CEP131: variants seen among roughly 807,000 people sequenced by gnomAD.
CEP131 encodes the protein centrosomal protein of 131 kDa.
A neutral mutation model predicts 136.8 loss-of-function variants in CEP131; 99 were observed. The observed-to-expected ratio is 0.72, with a 90% confidence interval of 0.62 to 0.86. The LOEUF is 0.86. CEP131 is among the 40% of genes least tolerant of loss of function. The probability of loss-of-function intolerance (pLI) is 0.00; values close to 1 mark genes in which losing one functional copy is unlikely to be tolerated. For synonymous variants in CEP131, 646 were observed against 612.7 expected (o/e 1.05, Z -0.80); for missense variants, 1,459 against 1,463.0 (o/e 1.00, Z 0.04).
chr17:81,194,248 G>T, intron 17 of CEP131, 121 bp from the exon 18 acceptor site: 1 of 909,186 alleles, frequency 1.1e-6, no homozygotes, highest in Non-Finnish European at 1.6e-6. Flanking sequence ...GGGCCTCCTT[G>T]GATCCAACCC....
Position 81,219,883 on chromosome 17 carries a change from C to A in CEP131, c.174G>T (p.Val58=). 1 of 1,603,880 alleles carries A rather than the reference C, an allele frequency of 6.2e-7. No individual in the cohort carries two copies. Among genetic ancestry groups the A allele is most frequent in the Non-Finnish European group, 8.5e-7 (1 of 1,175,002 alleles). ...VVTGSEQKRK[V]LEATGPGGSQ... ...ACTCCTAGGCCACAGTACTCACCAGCACCTTCCTCTTCTGCTCGCTGCCTG... is the reference window on the plus strand; with the variant it reads ...ACTCCTAGGCCACAGTACTCACCAGAACCTTCCTCTTCTGCTCGCTGCCTG... The change falls in exon 2 of 26, where the codon GTG becomes GTT. Residue 58 remains valine, a synonymous_variant. Transcript: ENST00000450824. The surrounding 1 kb of genome is among the most constrained non-coding windows in gnomAD (Gnocchi z 4.0).
At chr17:81,217,781 G>C (rs528418607) in intron 2 of CEP131, among the ~76,000 whole-genome samples, 1 of 152,164 alleles carries the variant, frequency 6.6e-6, no homozygotes, top group Non-Finnish European at 1.5e-5. Flanking sequence ...GGTACCAGCC[G>C]AGGAAAGGAG....
chr17:81,204,832 A>G (rs1217908217), intron 5 of CEP131, among the ~76,000 whole-genome samples: 1 of 152,156 alleles, frequency 6.6e-6, no homozygotes, highest in Non-Finnish European at 1.5e-5. Context: ...ACCAGCCTGC[A>G]CTCACAAACG....
At position 81,189,768 on chromosome 17, in the gene CEP131, G is replaced by A; in HGVS notation, c.*1C>T. The stretch of plus-strand genomic sequence containing the variant: ...TTCGACAGTGTTCCCGGCATCCCTG[G>A]TCACTTGGTACTTGGCGTGGGCCTC... On this transcript the variant is annotated 3_prime_UTR_variant, in exon 26 of 26. Coordinates refer to ENST00000450824, the MANE Select transcript of CEP131 (RefSeq NM_014984.4). 6.3e-7 allele frequency: 1 copy of A among 1,597,296 alleles called. No homozygotes were observed. The highest frequency in any genetic ancestry group is 8.5e-7 in the Non-Finnish European group (1 of 1,169,876).
intron 21 of CEP131, among the ~76,000 whole-genome samples, chr17:81,191,756 G>C (rs78466129): frequency 0.086 from 13,016 of 152,220 alleles, 729 homozygotes; most frequent in African/African-American, 0.16. Flanking sequence ...GCCCCACAGG[G>C]CTACGTCGGG....
chr17:81,190,806 G>C lies in CEP131; in HGVS notation c.2944-4C>G, dbSNP rs758353951. 3.7e-6 allele frequency: 6 copies of C among 1,604,794 alleles called. No homozygotes were observed. Among genetic ancestry groups the C allele is most frequent in the Middle Eastern group, 1.7e-4 (1 of 5,986 alleles). ...CGCTAGAAAGCTGCTCGTTCACCTG[G>C]GTGGGCACAGAAGGCAGTGAGCCGG... On this transcript the variant is annotated splice_polypyrimidine_tract_variant and splice_region_variant and intron_variant, in intron 23 of 25. Coordinates refer to ENST00000450824, the MANE Select transcript of CEP131 (RefSeq NM_014984.4).
chr17:81,206,293 G>A (rs1278946934), intron 5 of CEP131, among the ~76,000 whole-genome samples: 3 of 152,070 alleles, frequency 2.0e-5, no homozygotes, highest in Non-Finnish European at 4.4e-5. Flanking sequence ...TATTCCCTTG[G>A]CAAAGGCTCT....
At position 81,192,581 on chromosome 17, in the gene CEP131, C is replaced by T; in HGVS notation, c.2442G>A (p.Glu814=). 1 of 1,607,820 alleles carries T rather than the reference C, an allele frequency of 6.2e-7. No individual in the cohort carries two copies. The highest frequency in any genetic ancestry group is 8.5e-7 in the Non-Finnish European group (1 of 1,179,408). Residue 814 remains glutamate, a synonymous_variant, in exon 20 of 26, where the codon GAG becomes GAA. Coordinates refer to ENST00000450824, the MANE Select transcript of CEP131 (RefSeq NM_014984.4). Reference sequence around the variant, plus strand: ...CCAGCTGCTGCCTCAGCTCTTCCAGCTCCGCCCGCTGCCTGCGGCCAGGGA... The same window carrying T: ...CCAGCTGCTGCCTCAGCTCTTCCAGTTCCGCCCGCTGCCTGCGGCCAGGGA... ...LGQQAARQRA[E]LEELRQQLEE... is the part of the protein sequence containing the mutation.
intron 2 of CEP131, among the ~76,000 whole-genome samples, chr17:81,212,763 G>A (rs1438850392): frequency 1.3e-5 from 2 of 152,172 alleles, no homozygotes; most frequent in East Asian, 3.9e-4. Flanking sequence ...GTTACAATCA[G>A]CAAGCGTCGG....
intron 24 of CEP131, 139 bp downstream of exon 24, chr17:81,190,500 C>T: frequency 8.7e-7 from 1 of 1,153,476 alleles, no homozygotes; most frequent in Non-Finnish European, 1.2e-6. Context: ...GGAACCCACA[C>T]CAGCCTCTGT....
At chr17:81,198,845 C>G in intron 11 of CEP131, 32 bp downstream of exon 11, 1 of 1,554,336 alleles carries the variant, frequency 6.4e-7, no homozygotes. Context: ...AGCCAAAAAC[C>G]ATGATGGAGT....
intron 8 of CEP131, 74 bp downstream of exon 8, chr17:81,200,255 A>G: frequency 8.3e-7 from 1 of 1,198,002 alleles, no homozygotes; most frequent in Non-Finnish European, 1.2e-6. Flanking sequence ...CACCTGTCCC[A>G]GAAACTCAAA....
chr17:81,190,635 C>A lies in CEP131; in HGVS notation c.3107+4G>T. On this transcript the variant is annotated splice_donor_region_variant and intron_variant, in intron 24 of 25. Transcript: ENST00000450824. ...TCTCCAGCCCTGCAGCCCCCGCCGC[C>A]CACCTCCGGTGCACCTCCTCCAGCT... is the stretch of plus-strand genomic sequence containing the variant. 6.3e-7 allele frequency: 1 copy of A among 1,578,252 alleles called. No homozygotes were observed. Among genetic ancestry groups the A allele is most frequent in the Non-Finnish European group, 8.6e-7 (1 of 1,167,430 alleles).
rs1272177816 is a variant in CEP131 at position 81,202,393 on chromosome 17, A to G, written c.635T>C (p.Ile212Thr). 4 of 1,612,690 alleles carry G rather than the reference A, an allele frequency of 2.5e-6. No homozygotes were observed. The highest frequency in any genetic ancestry group is 3.4e-6 in the Non-Finnish European group (4 of 1,179,700). The part of the protein sequence containing the change: ...SNQTAPSLNN[I>T]IKAATCEGSE... Reference sequence around the variant, plus strand: ...GCCCTCACAGGTGGCTGCCTTGATGATGTTGCTGACAGGTAAGAAGAAAAC... The same window carrying G: ...GCCCTCACAGGTGGCTGCCTTGATGGTGTTGCTGACAGGTAAGAAGAAAAC... The change falls in exon 7 of 26, where the codon ATC (isoleucine) becomes ACC (threonine). Residue 212 changes from isoleucine to threonine, a missense_variant. Transcript: ENST00000450824.
Position 81,212,160 on chromosome 17 carries a change from T to C in CEP131, c.178-3138A>G, listed in dbSNP as rs532237159. On this transcript the variant is annotated intron_variant, in intron 2 of 25. Coordinates refer to ENST00000450824, the MANE Select transcript of CEP131 (RefSeq NM_014984.4). ...TGAAACCTTGTCTCTACTAAAAAGA[T>C]ATATATATATAAATTAGCCGGGCAT... 3.4e-5 allele frequency among the ~76,000 whole-genome samples: 5 copies of C among 147,480 alleles called. No homozygotes were observed. The South Asian group carries it at 8.7e-4, about 26-fold the overall frequency.
intron 10 of CEP131, 90 bp from the exon 11 acceptor site, chr17:81,199,061 G>T: frequency 7.7e-7 from 1 of 1,293,254 alleles, no homozygotes; most frequent in Non-Finnish European, 1.0e-6. Flanking sequence ...GCCAGGCATG[G>T]GGGAGGCGGA....
At chr17:81,216,665 C>T (rs968353413) in intron 2 of CEP131, among the ~76,000 whole-genome samples, 1 of 152,226 alleles carries the variant, frequency 6.6e-6, no homozygotes, top group South Asian at 2.1e-4. Flanking sequence ...GAACAGTGGC[C>T]GCCTAGGAGA....
chr17:81,207,918 A>ACACACT (rs2062043734), intron 3 of CEP131, among the ~76,000 whole-genome samples: 1 of 147,840 alleles, frequency 6.8e-6, no homozygotes, highest in Non-Finnish European at 1.5e-5. Context: ...CACACCACAT[A>ACACACT]ACACACACAC....
At position 81,215,169 on chromosome 17, in the gene CEP131, C is replaced by A. The variant is rs1378633555; in HGVS notation, c.177+4711G>T. Among the ~76,000 whole-genome samples the A allele has an allele frequency of 6.6e-6, 1 of 152,082 alleles. No homozygotes were observed. The highest frequency in any genetic ancestry group is 1.5e-5 in the Non-Finnish European group (1 of 68,012). On this transcript the variant is annotated intron_variant, in intron 2 of 25. Transcript: ENST00000450824. The surrounding 1 kb of genome is among the most constrained non-coding windows in gnomAD (Gnocchi z 4.1). Reference sequence around the variant, plus strand: ...AGAGCAGTGGCATGATCATAGCTCACTGCAGCCTCAAACTTTCTGGGTTCA... The same window carrying A: ...AGAGCAGTGGCATGATCATAGCTCAATGCAGCCTCAAACTTTCTGGGTTCA...
Sources: gnomAD v4.1 joint callset for allele counts (sites outside exome capture counted in the v4.1 genomes callset) on GRCh38, gnomAD v4.1.1 for gene constraint, Gnocchi (gnomAD v3.1) non-coding constraint, MANE v1.5 for transcripts, NCBI Gene and HGNC (gene_info 2026-07-23, HGNC 2026-07-21) for gene names.